The following TMEM245 variants were observed in gnomAD, a reference collection of about 807,000 sequenced individuals.
TMEM245 encodes the protein transmembrane protein 245.
A neutral mutation model predicts 101.2 loss-of-function variants in TMEM245; 69 were observed. The ratio of observed to expected loss-of-function variants is 0.68; its 90% CI spans 0.56 to 0.83. TMEM245 has a LOEUF of 0.83. Among genes scored for constraint, TMEM245 ranks in the 40% least tolerant of loss-of-function variants. TMEM245 has a pLI of 0.00. For synonymous variants in TMEM245, 537 were observed against 449.8 expected (o/e 1.19, Z -2.45); for missense variants, 1,075 against 1,092.8 (o/e 0.98, Z 0.23).
intron 14 of TMEM245, among the ~76,000 whole-genome samples, chr9:109,049,412 G>A (rs1289511464): frequency 2.0e-5 from 3 of 152,030 alleles, no homozygotes; most frequent in Admixed American, 1.3e-4. Flanking sequence ...ACAAGGTCTC[G>A]CTATGCTGCC....
intron 10 of TMEM245, among the ~76,000 whole-genome samples, chr9:109,060,932 A>G (rs2132436758): frequency 6.6e-6 from 1 of 152,342 alleles, no homozygotes; most frequent in Middle Eastern, 3.4e-3. Context: ...CTCATTTACA[A>G]TTGATCAGAC....
rs537205309 is a variant in TMEM245 at position 109,044,884 on chromosome 9, C to T, written c.2123+5399G>A. 7.2e-5 allele frequency among the ~76,000 whole-genome samples: 11 copies of T among 151,978 alleles called. No homozygotes were observed. The East Asian group carries it at 1.2e-3, about 16-fold the overall frequency. On this transcript the variant is annotated intron_variant, in intron 14 of 17. Coordinates refer to ENST00000374586, the MANE Select transcript of TMEM245 (RefSeq NM_032012.4). ...AAGAGATTCTCCCACCTGAGCCTCCCGAGTAGCTAGGACTACAGGTGCATG... is the reference window on the plus strand; with the variant it reads ...AAGAGATTCTCCCACCTGAGCCTCCTGAGTAGCTAGGACTACAGGTGCATG...
rs1225252776 is a variant in TMEM245 at position 109,119,894 on chromosome 9, G to A, written c.20C>T (p.Pro7Leu). The A allele has an allele frequency of 3.1e-6, 4 of 1,273,022 alleles. No homozygotes were observed. The highest frequency in any genetic ancestry group is 2.9e-4 in the Middle Eastern group (1 of 3,508). 78.9% of individuals were successfully genotyped at this position (1,273,022 alleles called of 1,614,324 possible). ...GCTCCGCAGGCTTGGCGCGTCCTTA[G>A]GGCCGCCGCCGTCGGCCATCGTTCC... The part of the protein sequence containing the change: MADGGG[P>L]KDAPSLRSSP... The change falls in exon 1 of 18, where the codon CCT (proline) becomes CTT (leucine). Residue 7 changes from proline (P) to leucine (L), a missense_variant. By Grantham distance (98) the Pro-to-Leu change is moderately conservative. This residue lies in a region of TMEM245 where 808 missense variants were observed against 741.5 expected (regional missense o/e 1.09). Coordinates refer to ENST00000374586, the MANE Select transcript of TMEM245 (RefSeq NM_032012.4).
At position 109,107,393 on chromosome 9, in the gene TMEM245, T is replaced by C. The variant is rs796545290; in HGVS notation, c.698-784A>G. On this transcript the variant is annotated intron_variant, in intron 2 of 17. Coordinates refer to ENST00000374586, the MANE Select transcript of TMEM245 (RefSeq NM_032012.4). ...CAGCCTGGGCGATGGAGTGAGACTC[T>C]GTCTCAAAAAAAAAAAAAAAAAAAG... Among the ~76,000 whole-genome samples, 280 of 139,332 alleles carry C rather than the reference T, an allele frequency of 2.0e-3. 3 individuals carry two copies. The highest frequency in any genetic ancestry group is 7.1e-3 in the African/African-American group (256 of 36,180). 91.4% of individuals were successfully genotyped at this position (139,332 alleles called of 152,430 possible).
Position 109,017,961 on chromosome 9 carries a change from T to C in TMEM245, c.*2499A>G, listed in dbSNP as rs545637841. The C allele has an allele frequency of 8.5e-5, 13 of 152,306 alleles. No individual in the cohort carries two copies. Among genetic ancestry groups the C allele is most frequent in the African/African-American group, 2.9e-4 (12 of 41,554 alleles). 9.4% of individuals were successfully genotyped at this position (152,306 alleles called of 1,614,324 possible). A position where few individuals can be genotyped will look rare whatever the true frequency, so the allele number is the denominator to read the frequency against. On this transcript the variant is annotated 3_prime_UTR_variant, in exon 18 of 18. Transcript: ENST00000374586. ...TGCTGTAGCAATGGGGCAGGTCAAGTTTCCTGATCATAGCTGTGAAGCACT... is the reference window on the plus strand; with the variant it reads ...TGCTGTAGCAATGGGGCAGGTCAAGCTTCCTGATCATAGCTGTGAAGCACT...
At chr9:109,081,866 C>T (rs547582566) in intron 7 of TMEM245, among the ~76,000 whole-genome samples, 3 of 152,280 alleles carry the variant, frequency 2.0e-5, no homozygotes, top group South Asian at 2.1e-4. Flanking sequence ...TTCACAACCA[C>T]AAATAATCCT....
intron 16 of TMEM245, 133 bp from the exon 17 acceptor site, chr9:109,033,634 C>T: frequency 1.3e-6 from 1 of 751,420 alleles, no homozygotes. Flanking sequence ...CACCTCGATG[C>T]ATACAACTGA....
At chr9:109,030,069 G>T (rs914215539) in intron 17 of TMEM245, among the ~76,000 whole-genome samples, 1 of 152,182 alleles carries the variant, frequency 6.6e-6, no homozygotes, top group Non-Finnish European at 1.5e-5. Flanking sequence ...TGTTTTGGGG[G>T]AATGGGTAGT....
chr9:109,119,573 C>T lies in TMEM245; in HGVS notation c.341G>A (p.Arg114His), dbSNP rs1830842806. 1 of 1,541,480 alleles carries T rather than the reference C, an allele frequency of 6.5e-7. No homozygotes were observed. Among genetic ancestry groups the T allele is most frequent in the African/African-American group, 1.4e-5 (1 of 71,548 alleles). Reference protein sequence around the residue: ...LGRHWLQRLHRAHTPIVLAAL... With the variant: ...LGRHWLQRLHHAHTPIVLAAL... Reference sequence around the variant, plus strand: ...GGCCAGGACGATGGGCGTGTGCGCGCGGTGCAGGCGCTGCAGCCAGTGGCG... The same window carrying T: ...GGCCAGGACGATGGGCGTGTGCGCGTGGTGCAGGCGCTGCAGCCAGTGGCG... Residue 114 changes from arginine (R) to histidine (H), a missense_variant, in exon 1 of 18, where the codon CGC becomes CAC. Arg to His is a conservative substitution (Grantham distance 29, BLOSUM62 0). Around this residue, in one of 2 missense-constraint regions of TMEM245, gnomAD observed 808 missense variants for 741.5 expected, o/e 1.09. Coordinates refer to ENST00000374586, the MANE Select transcript of TMEM245 (RefSeq NM_032012.4).
intron 12 of TMEM245, among the ~76,000 whole-genome samples, chr9:109,055,784 G>A (rs568794630): frequency 1.3e-5 from 2 of 152,096 alleles, no homozygotes; most frequent in African/African-American, 2.4e-5. Context: ...ACAGGCATGC[G>A]CCACCATGCC....
intron 1 of TMEM245, among the ~76,000 whole-genome samples, chr9:109,118,242 G>T (rs1307938152): frequency 6.6e-6 from 1 of 152,076 alleles, no homozygotes; most frequent in African/African-American, 2.4e-5. Context: ...AGAGAAGAAG[G>T]GTGTTTTGGG....
chr9:109,087,221 A>C lies in TMEM245; in HGVS notation c.1272T>G (p.Pro424=). ...ATTTTCCAAGCCCGACAATGGGCCA[A>C]GGCGCGAGAGCTCCCTGCCGCTCCT... ...FLKERQGALA[P]WPIVGLGKFL... The change falls in exon 6 of 18, where the codon CCT becomes CCG. Residue 424 remains proline (P), a synonymous_variant. Coordinates refer to ENST00000374586, the MANE Select transcript of TMEM245 (RefSeq NM_032012.4). The C allele has an allele frequency of 6.2e-7, 1 of 1,613,326 alleles. No individual in the cohort carries two copies. Among genetic ancestry groups the C allele is most frequent in the Non-Finnish European group, 8.5e-7 (1 of 1,179,774 alleles).
At chr9:109,055,798 C>A (rs1168335980) in intron 12 of TMEM245, among the ~76,000 whole-genome samples, 1 of 152,104 alleles carries the variant, frequency 6.6e-6, no homozygotes, top group Non-Finnish European at 1.5e-5. Flanking sequence ...CCATGCCCAG[C>A]TAATTTTGTA....
intron 9 of TMEM245, among the ~76,000 whole-genome samples, chr9:109,072,377 T>C (rs377206394): frequency 6.6e-6 from 1 of 152,214 alleles, no homozygotes; most frequent in South Asian, 2.1e-4. Flanking sequence ...TAAACCGCTA[T>C]TGCTATAGAT....
At chr9:109,050,836 A>T in intron 12 of TMEM245, 144 bp from the exon 13 acceptor site, 2 of 958,352 alleles carry the variant, frequency 2.1e-6, no homozygotes, top group Non-Finnish European at 3.0e-6. Context: ...AAAATTAAAA[A>T]AAAAAAGAAA....
intron 8 of TMEM245, among the ~76,000 whole-genome samples, chr9:109,079,507 T>C (rs1243950229): frequency 6.6e-6 from 1 of 152,068 alleles, no homozygotes. Flanking sequence ...CTGTCATGGA[T>C]GTTTCAGAGA....
At position 109,057,232 on chromosome 9, in the gene TMEM245, T is replaced by C. The variant is rs759210823; in HGVS notation, c.1813A>G (p.Ile605Val). The C allele has an allele frequency of 2.7e-5, 43 of 1,613,942 alleles. No homozygotes were observed. Among genetic ancestry groups the C allele is most frequent in the Middle Eastern group, 3.3e-4 (2 of 6,084 alleles). ...WLGDILDWQD[I>V]VSFVHENIET... ...ATGTTCTCGTGAACAAAGGAAACAA[T>C]ATCCTGCCAGTCCAGAATGTCTCCC... The change falls in exon 12 of 18, where the codon ATT (isoleucine) becomes GTT (valine). Residue 605 changes from isoleucine (I) to valine (V), a missense_variant. By Grantham distance (29) the Ile-to-Val change is conservative. Around this residue, in one of 2 missense-constraint regions of TMEM245, gnomAD observed 267 missense variants for 351.3 expected, o/e 0.76. Transcript: ENST00000374586.
At chr9:109,047,375 T>G (rs1374824731) in intron 14 of TMEM245, among the ~76,000 whole-genome samples, 1 of 152,224 alleles carries the variant, frequency 6.6e-6, no homozygotes, top group Non-Finnish European at 1.5e-5. Flanking sequence ...CTTTGTAATC[T>G]CAAATTCTCT....
At chr9:109,087,710 C>G (rs1214108506) in intron 5 of TMEM245, among the ~76,000 whole-genome samples, 1 of 152,234 alleles carries the variant, frequency 6.6e-6, no homozygotes, top group Non-Finnish European at 1.5e-5. Flanking sequence ...AAACCCCTGA[C>G]ATTTCCTCAT....
Sources: allele counts gnomAD v4.1 joint callset (sites outside exome capture counted in the v4.1 genomes callset), GRCh38; gene constraint gnomAD v4.1.1; regional missense constraint gnomAD v4.1.1; transcripts MANE v1.5; gene names NCBI Gene and HGNC (gene_info 2026-07-23, HGNC 2026-07-21).